Variants in CCDC15 observed in about 807,000 individuals in gnomAD.
CCDC15 encodes coiled-coil domain containing 15.
CCDC15 carries 105 observed loss-of-function variants against 114.5 expected under a neutral mutation model. The observed-to-expected ratio is 0.92, with a 90% confidence interval of 0.78 to 1.08. The LOEUF is 1.08. CCDC15 is among the 50% of genes least tolerant of loss of function. The pLI, the probability that CCDC15 is intolerant of heterozygous loss-of-function variation, is 0.00. For synonymous variants in CCDC15, 334 were observed against 377.8 expected (o/e 0.88, Z 1.34); for missense variants, 1,105 against 1,093.6 (o/e 1.01, Z -0.15).
chr11:124,959,934 C>T lies in CCDC15; in HGVS notation c.447C>T (p.Ser149=). 1 of 1,585,952 alleles carries T rather than the reference C, an allele frequency of 6.3e-7. No homozygotes were observed. The highest frequency in any genetic ancestry group is 8.6e-7 in the Non-Finnish European group (1 of 1,164,230). The change falls in exon 4 of 16, where the codon TCC becomes TCT. Residue 149 remains serine (S), a synonymous_variant. Coordinates refer to ENST00000344762, the MANE Select transcript of CCDC15 (RefSeq NM_025004.3). ...TTGGAAGTTCTAGGTTACCTCCTTC[C>T]CTGATGCCTGGGGATGGAATAGAGG... The part of the protein sequence containing the change: ...VAIGSSRLPP[S]LMPGDGIEDE...
Position 124,986,700 on chromosome 11 carries a change from T to TGTGTGTGC in CCDC15, c.754-41_754-40insTGTGTGCG, listed in dbSNP as rs878887902. On this transcript the variant is annotated intron_variant, in intron 6 of 15. Coordinates refer to ENST00000344762, the MANE Select transcript of CCDC15 (RefSeq NM_025004.3). ...GTGTGTGTGTGTGTGTTTGTGTGTG[T>TGTGTGTGC]GCGCGCGCGCGCGTGCGCGTTTTCA... 1,963 of 1,350,982 alleles carry TGTGTGTGC rather than the reference T, an allele frequency of 1.5e-3. 23 individuals are homozygous for TGTGTGTGC. The highest frequency in any genetic ancestry group is 5.2e-3 in the African/African-American group (318 of 61,528). 83.7% of individuals were successfully genotyped at this position (1,350,982 alleles called of 1,614,324 possible).
At chr11:124,970,961 A>AT (rs144075171) in intron 4 of CCDC15, among the ~76,000 whole-genome samples, 1 of 151,940 alleles carries the variant, frequency 6.6e-6, no homozygotes, top group Admixed American at 6.6e-5. Flanking sequence ...CAAAATAGAC[A>AT]TTTTTTTTGG....
intron 13 of CCDC15, among the ~76,000 whole-genome samples, chr11:125,029,060 G>T (rs935404925): frequency 6.6e-6 from 1 of 152,178 alleles, no homozygotes; most frequent in African/African-American, 2.4e-5. Context: ...ACACGAGAAA[G>T]ATATAGTCTG....
rs546814026 is a variant in CCDC15 at position 124,970,466 on chromosome 11, C to T, written c.517-4630C>T. Among the ~76,000 whole-genome samples, 14 of 152,286 alleles carry T rather than the reference C, an allele frequency of 9.2e-5. No homozygotes were observed. In the South Asian group the frequency reaches 2.9e-3, roughly 32 times the overall value. On this transcript the variant is annotated intron_variant, in intron 4 of 15. Transcript: ENST00000344762. ...ATTTTCTGGCCACTGAAAAGTCTAA[C>T]ACATTTAAAAATCAGTATGATATCA... is the stretch of plus-strand genomic sequence containing the variant.
rs141359776 is a variant in CCDC15, at chr11:125,012,810, C to T, written c.2411+7598C>T. Among the ~76,000 whole-genome samples, 84 of 152,226 alleles carry T rather than the reference C, an allele frequency of 5.5e-4. 1 individual carries two copies. In the East Asian group the frequency reaches 0.014, roughly 26 times the overall value. ...AAAGCAAACATTTATTGAAAACTTA[C>T]TACATGCCAGGGACTGTTCTATATG... On this transcript the variant is annotated intron_variant, in intron 13 of 15. Transcript: ENST00000344762.
intron 11 of CCDC15, among the ~76,000 whole-genome samples, chr11:125,000,141 G>A (rs1484721544): frequency 6.6e-6 from 1 of 152,168 alleles, no homozygotes. Context: ...GGGATTACAG[G>A]CATGAGCCAC....
At chr11:124,989,486 C>T (rs1330059546) in intron 8 of CCDC15, among the ~76,000 whole-genome samples, 1 of 152,198 alleles carries the variant, frequency 6.6e-6, no homozygotes, top group Non-Finnish European at 1.5e-5. Flanking sequence ...CTGCATTAGC[C>T]ACTAACAAGA....
chr11:125,034,120 G>A (rs1474359666), intron 13 of CCDC15, among the ~76,000 whole-genome samples: 4 of 152,174 alleles, frequency 2.6e-5, no homozygotes, highest in Admixed American at 2.6e-4. Context: ...GTTGCCTCAG[G>A]CAGCACAGGG....
At chr11:124,990,111 T>C (rs1948243393) in intron 8 of CCDC15, among the ~76,000 whole-genome samples, 1 of 152,224 alleles carries the variant, frequency 6.6e-6, no homozygotes, top group South Asian at 2.1e-4. Context: ...CATGTGGTTC[T>C]TTCTTTCACT....
chr11:124,954,843 GGC>G lies in CCDC15; in HGVS notation c.112_113del (p.Ala38TyrfsTer15). ...TGGCAGTGCTGGCTGAGAGGAACGAGGCTATAGTACCAGTTGGGGCATGGGTG... is the reference window on the plus strand; with the variant it reads ...TGGCAGTGCTGGCTGAGAGGAACGAGTATAGTACCAGTTGGGGCATGGGTG... The part of the protein sequence containing the change: ...VLAVLAERNE[A>X]IVPVGAWVEP... On this transcript the variant is annotated frameshift_variant, in exon 2 of 16. Transcript: ENST00000344762. LOFTEE classifies it high-confidence loss of function. 1 of 1,614,032 alleles carries G rather than the reference GGC, an allele frequency of 6.2e-7. No homozygotes were observed. The highest frequency in any genetic ancestry group is 8.5e-7 in the Non-Finnish European group (1 of 1,179,886).
At chr11:124,984,776 G>A (rs1247705723) in intron 6 of CCDC15, among the ~76,000 whole-genome samples, 1 of 152,192 alleles carries the variant, frequency 6.6e-6, no homozygotes, top group East Asian at 1.9e-4. Flanking sequence ...CCTGGTGCAC[G>A]GTAGCCCTCT....
At chr11:125,000,297 T>C (rs1009497242) in intron 11 of CCDC15, among the ~76,000 whole-genome samples, 1 of 152,230 alleles carries the variant, frequency 6.6e-6, no homozygotes, top group Non-Finnish European at 1.5e-5. Flanking sequence ...ATCTCTCCTA[T>C]GCACCATGGC....
chr11:124,984,054 T>G (rs1948116961), intron 6 of CCDC15, among the ~76,000 whole-genome samples: 3 of 152,030 alleles, frequency 2.0e-5, no homozygotes, highest in Admixed American at 2.0e-4. Flanking sequence ...TGAGTGCCTT[T>G]GCATTGGCAG....
chr11:124,961,762 G>C (rs1947662004), intron 4 of CCDC15, among the ~76,000 whole-genome samples: 1 of 152,120 alleles, frequency 6.6e-6, no homozygotes, highest in South Asian at 2.1e-4. Context: ...CTGAGCTCAA[G>C]GGATCCGCCT....
At chr11:124,960,705 T>C (rs1947644499) in intron 4 of CCDC15, among the ~76,000 whole-genome samples, 1 of 152,220 alleles carries the variant, frequency 6.6e-6, no homozygotes, top group Non-Finnish European at 1.5e-5. Flanking sequence ...ATATACCTAA[T>C]ATTTAAAAAT....
At chr11:124,957,714 A>G (rs1194408692) in intron 2 of CCDC15, among the ~76,000 whole-genome samples, 1 of 152,190 alleles carries the variant, frequency 6.6e-6, no homozygotes, top group East Asian at 1.9e-4. Flanking sequence ...TGACACTTGT[A>G]CACTCCACTA....
intron 6 of CCDC15, among the ~76,000 whole-genome samples, chr11:124,980,296 G>A (rs1487803629): frequency 6.6e-6 from 1 of 152,124 alleles, no homozygotes; most frequent in Admixed American, 6.5e-5. Context: ...AATAAGTTAG[G>A]GAGGACTTCC....
At chr11:125,020,197 C>T (rs926037358) in intron 13 of CCDC15, among the ~76,000 whole-genome samples, 9 of 151,912 alleles carry the variant, frequency 5.9e-5, no homozygotes, top group African/African-American at 1.9e-4. Flanking sequence ...AGATTTCTTC[C>T]ACCTCCTTGA....
intron 13 of CCDC15, among the ~76,000 whole-genome samples, chr11:125,016,860 T>G (rs1484855066): frequency 1.3e-5 from 2 of 152,194 alleles, no homozygotes; most frequent in African/African-American, 4.8e-5. Context: ...GCTAAAGGCT[T>G]TTTGTTTTAT....
Sources: gnomAD v4.1 joint callset for allele counts (sites outside exome capture counted in the v4.1 genomes callset) on GRCh38, gnomAD v4.1.1 for gene constraint, MANE v1.5 for transcripts, NCBI Gene and HGNC (gene_info 2026-07-23, HGNC 2026-07-21) for gene names.